Variants in IBTK observed in about 807,000 individuals in gnomAD.
IBTK encodes the protein BTK-binding protein.
Under a neutral mutation model 154.9 loss-of-function variants are expected in IBTK, and 83 were observed. The observed-to-expected ratio is 0.54, with a 90% CI of 0.45 to 0.64. The LOEUF is 0.64. IBTK is among the 30% of genes least tolerant of loss of function. The pLI is 0.00. For synonymous variants in IBTK, 515 were observed against 536.1 expected (o/e 0.96, Z 0.54); for missense variants, 1,332 against 1,584.6 (o/e 0.84, Z 2.71).
intron 23 of IBTK, among the ~76,000 whole-genome samples, chr6:82,193,670 A>C (rs6935227): frequency 0.24 from 36,354 of 152,034 alleles, 4,410 homozygotes; most frequent in African/African-American, 0.28. Flanking sequence ...TACATCTGCT[A>C]CTCATTTAAC....
intron 1 of IBTK, among the ~76,000 whole-genome samples, chr6:82,241,779 C>A (rs559522191): frequency 6.6e-6 from 1 of 152,128 alleles, no homozygotes; most frequent in Non-Finnish European, 1.5e-5. Flanking sequence ...TCTTTTAGAT[C>A]TTCCTTAATG....
chr6:82,172,997 T>C, intron 27 of IBTK: 1 of 173,456 alleles, frequency 5.8e-6, no homozygotes, highest in Non-Finnish European at 1.1e-5. Context: ...ATTCTCTTAT[T>C]CTCTTTTTTT....
chr6:82,172,138 A>G (rs1380290313), intron 28 of IBTK, among the ~76,000 whole-genome samples: 1 of 152,208 alleles, frequency 6.6e-6, no homozygotes, highest in Non-Finnish European at 1.5e-5. Context: ...AAAATAATCC[A>G]AAGTATCACC....
intron 19 of IBTK, among the ~76,000 whole-genome samples, 186 bp from the exon 20 acceptor site, chr6:82,200,894 C>A (rs1036071599): frequency 2.0e-5 from 3 of 151,686 alleles, no homozygotes; most frequent in African/African-American, 7.3e-5. Flanking sequence ...AGCCACCACA[C>A]CCAGCCTAAA....
intron 25 of IBTK, among the ~76,000 whole-genome samples, chr6:82,186,921 T>C (rs1441789013): frequency 6.7e-6 from 1 of 149,190 alleles, no homozygotes; most frequent in Non-Finnish European, 1.5e-5. Context: ...TTCTTTTTTT[T>C]TTTTTTTTTT....
At chr6:82,216,360 C>CTA in intron 10 of IBTK, 110 bp from the exon 11 acceptor site, 1 of 689,748 alleles carries the variant, frequency 1.4e-6, no homozygotes, top group Non-Finnish European at 2.4e-6. Context: ...AAATCTTTTT[C>CTA]ACATATATTC....
intron 26 of IBTK, among the ~76,000 whole-genome samples, chr6:82,179,963 T>G (rs973435899): frequency 4.6e-5 from 4 of 86,530 alleles, no homozygotes; most frequent in Non-Finnish European, 9.9e-5. Context: ...ATAGGAGAGA[T>G]AACTCTTCTA....
intron 4 of IBTK, among the ~76,000 whole-genome samples, chr6:82,228,337 G>A (rs563233327): frequency 5.6e-4 from 85 of 152,002 alleles, no homozygotes; most frequent in Non-Finnish European, 1.0e-3. Flanking sequence ...TAGACCGCTC[G>A]GAATTTTGTA....
At chr6:82,238,192 G>A (rs965573134) in intron 2 of IBTK, among the ~76,000 whole-genome samples, 4 of 151,620 alleles carry the variant, frequency 2.6e-5, no homozygotes, top group South Asian at 2.1e-4. Context: ...TGCAGTGAGC[G>A]GAGATCACAC....
chr6:82,213,956 ATT>A (rs369633395), intron 12 of IBTK, among the ~76,000 whole-genome samples: 2 of 51,288 alleles, frequency 3.9e-5, no homozygotes, highest in African/African-American at 1.1e-4. Context: ...AAAGGGTGGG[ATT>A]TTTTTTTTTT....
At chr6:82,184,074 T>C (rs142276719) in intron 25 of IBTK, among the ~76,000 whole-genome samples, 1 of 152,342 alleles carries the variant, frequency 6.6e-6, no homozygotes, top group East Asian at 1.9e-4. Flanking sequence ...TGAACTAAGA[T>C]TGTGTGATAC....
chr6:82,214,769 C>T lies in IBTK; in HGVS notation c.1662G>A (p.Leu554=), dbSNP rs1280854808. 1.9e-6 allele frequency: 3 copies of T among 1,613,232 alleles called. No individual in the cohort carries two copies. In the African/African-American group the frequency reaches 4.0e-5, roughly 22 times the overall value. Residue 554 remains leucine, a synonymous_variant, in exon 12 of 29, where the codon TTG becomes TTA. Coordinates refer to ENST00000306270, the MANE Select transcript of IBTK (RefSeq NM_015525.4). ...SSFFEEFGKL[L]READEMDSIH... ...TGCTGTCCATTTCATCTGCTTCCCT[C>T]AACAGTTTGCCAAACTCTTCAAAAA...
intron 25 of IBTK, among the ~76,000 whole-genome samples, chr6:82,183,397 A>C (rs1768388763): frequency 1.3e-5 from 2 of 152,248 alleles, no homozygotes; most frequent in Middle Eastern, 3.4e-3. Context: ...GTGACAGAGC[A>C]GGACTCTGAC....
At chr6:82,240,066 A>G in intron 2 of IBTK, 100 bp downstream of exon 2, 1 of 965,866 alleles carries the variant, frequency 1.0e-6, no homozygotes. Context: ...AAGCAAGAAA[A>G]AATGCAAATA....
At chr6:82,230,053 C>G (rs1047195200) in intron 4 of IBTK, among the ~76,000 whole-genome samples, 8 of 152,098 alleles carry the variant, frequency 5.3e-5, no homozygotes, top group African/African-American at 1.9e-4. Flanking sequence ...GGGATACTAA[C>G]AATTACACTA....
intron 9 of IBTK, 81 bp downstream of exon 9, chr6:82,220,509 G>A: frequency 2.2e-6 from 3 of 1,345,526 alleles, no homozygotes; most frequent in Non-Finnish European, 3.0e-6. Context: ...CACTAACATA[G>A]CAATACATTT....
At chr6:82,220,450 A>G (rs1260323653) in intron 9 of IBTK, 140 bp downstream of exon 9, 3 of 768,342 alleles carry the variant, frequency 3.9e-6, no homozygotes, top group East Asian at 2.8e-5. Context: ...TGTCTAAAAC[A>G]TACTTATTTT....
rs549022514 is a variant in IBTK, at chr6:82,225,480, T to C, written c.822A>G (p.Arg274=). The change falls in exon 6 of 29, where the codon AGA becomes AGG. Residue 274 remains arginine (R), a synonymous_variant. Transcript: ENST00000306270. ...TATTTAAAAGAGTAAAGCTTACCTG[T>C]CTGGGTACATTACAACTGGAAGGCG... The part of the protein sequence containing the change: ...IPPPSSCNVP[R]QIQAKYLKGR... The C allele has an allele frequency of 1.9e-6, 3 of 1,612,030 alleles. No individual in the cohort carries two copies. The East Asian group carries it at 6.7e-5, about 36-fold the overall frequency.
intron 21 of IBTK, among the ~76,000 whole-genome samples, chr6:82,197,162 A>G (rs926584937): frequency 6.6e-6 from 1 of 152,200 alleles, no homozygotes; most frequent in Non-Finnish European, 1.5e-5. Flanking sequence ...ATTAGAATCT[A>G]AATGAAGTAC....
Sources: allele counts gnomAD v4.1 joint callset (sites outside exome capture counted in the v4.1 genomes callset), GRCh38; gene constraint gnomAD v4.1.1; transcripts MANE v1.5; gene names NCBI Gene and HGNC (gene_info 2026-07-23, HGNC 2026-07-21).